Variants in DLG2 observed in about 807,000 individuals in gnomAD.
The protein encoded by DLG2 is disks large homolog 2.
A neutral mutation model predicts 132.5 loss-of-function variants in DLG2; 45 were observed. The observed-to-expected ratio is 0.34, with a 90% CI of 0.27 to 0.44. DLG2 has a LOEUF of 0.44. DLG2 is among the 20% of genes least tolerant of loss of function. The pLI is 1.00. For synonymous variants in DLG2, 424 were observed against 419.6 expected (o/e 1.01, Z -0.13); for missense variants, 1,045 against 1,196.9 (o/e 0.87, Z 1.87).
intron 18 of DLG2, among the ~76,000 whole-genome samples, chr11:83,729,613 A>T (rs17146000): frequency 0.077 from 11,734 of 152,220 alleles, 1,559 homozygotes; most frequent in African/African-American, 0.26. Context: ...ACCAGCCTTC[A>T]CCATTCTCTG....
intron 3 of DLG2, among the ~76,000 whole-genome samples, chr11:85,491,522 C>G (rs899202107): frequency 3.3e-5 from 5 of 151,752 alleles, no homozygotes; most frequent in Non-Finnish European, 7.4e-5. Context: ...AAACACTAAC[C>G]ACATCAAAAA....
chr11:83,713,604 T>C (rs1415984819), intron 18 of DLG2, among the ~76,000 whole-genome samples: 7 of 152,060 alleles, frequency 4.6e-5, no homozygotes, highest in Non-Finnish European at 7.4e-5. Flanking sequence ...AAGAGTGACA[T>C]AAGGAATATA....
intron 7 of DLG2, among the ~76,000 whole-genome samples, chr11:84,416,525 C>T (rs183115562): frequency 1.3e-5 from 2 of 152,326 alleles, no homozygotes; most frequent in East Asian, 3.9e-4. Context: ...ACTGACTACT[C>T]TGACAAAATA....
At chr11:84,219,968 C>CA (rs902867335) in intron 8 of DLG2, among the ~76,000 whole-genome samples, 41 of 152,176 alleles carry the variant, frequency 2.7e-4, no homozygotes, top group African/African-American at 9.6e-4. Context: ...GCAGCACAGG[C>CA]AAAATCTCAC....
chr11:83,526,279 A>T (rs1239904927), intron 21 of DLG2, among the ~76,000 whole-genome samples: 1 of 152,178 alleles, frequency 6.6e-6, no homozygotes, highest in Non-Finnish European at 1.5e-5. Flanking sequence ...TCCTATTGCC[A>T]CTTTTGAGTT....
At chr11:85,398,541 T>C (rs2087663277) in intron 3 of DLG2, among the ~76,000 whole-genome samples, 2 of 151,680 alleles carry the variant, frequency 1.3e-5, no homozygotes, top group Non-Finnish European at 2.9e-5. Context: ...GCAGGACTAA[T>C]AAAGAAGAAA....
chr11:83,503,287 A>T (rs550179594), intron 21 of DLG2, among the ~76,000 whole-genome samples: 1 of 148,164 alleles, frequency 6.7e-6, no homozygotes, highest in Admixed American at 6.9e-5. Context: ...AGAGCTCTTG[A>T]CTGTTGTATT....
At chr11:85,380,055 GC>G (rs1260729520) in intron 3 of DLG2, among the ~76,000 whole-genome samples, 1 of 151,952 alleles carries the variant, frequency 6.6e-6, no homozygotes, top group East Asian at 1.9e-4. Context: ...ACAAAATATT[GC>G]CCCCAAGATT....
At chr11:84,646,409 G>C (rs1372747280) in intron 6 of DLG2, among the ~76,000 whole-genome samples, 1 of 152,084 alleles carries the variant, frequency 6.6e-6, no homozygotes, top group Non-Finnish European at 1.5e-5. Context: ...AAATGTATGA[G>C]GGTAAACAGA....
At chr11:84,129,791 T>G (rs185452002) in intron 9 of DLG2, among the ~76,000 whole-genome samples, 3 of 152,168 alleles carry the variant, frequency 2.0e-5, no homozygotes, top group Admixed American at 1.3e-4. Flanking sequence ...GAGTACACTT[T>G]CCCTGCACTC....
intron 15 of DLG2, among the ~76,000 whole-genome samples, chr11:83,890,631 C>T (rs2154085501): frequency 6.6e-6 from 1 of 152,218 alleles, no homozygotes; most frequent in South Asian, 2.1e-4. Context: ...GTCCTGTCAT[C>T]ATATAATGTA....
chr11:83,517,938 G>T (rs904152797), intron 21 of DLG2, among the ~76,000 whole-genome samples: 4 of 152,186 alleles, frequency 2.6e-5, no homozygotes, highest in Admixed American at 6.5e-5. Context: ...CTTACTGGGG[G>T]GTGACTCCCA....
At chr11:84,103,043 C>T (rs915648828) in intron 9 of DLG2, among the ~76,000 whole-genome samples, 5 of 152,002 alleles carry the variant, frequency 3.3e-5, no homozygotes, top group Non-Finnish European at 7.4e-5. Flanking sequence ...GTTTCTGGTC[C>T]CAAAGCATCC....
chr11:85,117,137 C>T (rs1401745071), intron 5 of DLG2, among the ~76,000 whole-genome samples: 1 of 152,026 alleles, frequency 6.6e-6, no homozygotes, highest in African/African-American at 2.4e-5. Flanking sequence ...GCCATTGTAA[C>T]ACCTGTCAAG....
intron 4 of DLG2, among the ~76,000 whole-genome samples, chr11:85,165,263 G>T (rs1440621976): frequency 1.3e-5 from 2 of 152,136 alleles, no homozygotes; most frequent in African/African-American, 2.4e-5. Flanking sequence ...ATGTGAAATA[G>T]CTTGACTTCT....
intron 3 of DLG2, among the ~76,000 whole-genome samples, chr11:85,465,405 G>C (rs545493120): frequency 4.6e-5 from 7 of 151,958 alleles, no homozygotes; most frequent in African/African-American, 1.4e-4. Context: ...GCTGCACCCA[G>C]TAACTCGTCA....
intron 7 of DLG2, among the ~76,000 whole-genome samples, chr11:84,258,746 T>G (rs983840907): frequency 3.9e-5 from 6 of 152,208 alleles, no homozygotes; most frequent in Admixed American, 2.0e-4. Context: ...TTGATTTTTT[T>G]TGCCTGAGTT....
At chr11:85,497,175 C>T (rs2093686866) in intron 3 of DLG2, among the ~76,000 whole-genome samples, 2 of 151,774 alleles carry the variant, frequency 1.3e-5, no homozygotes, top group Admixed American at 1.3e-4. Context: ...GAAGTTAAAT[C>T]CTTGAAAAAA....
intron 7 of DLG2, among the ~76,000 whole-genome samples, chr11:84,429,036 T>G (rs576852930): frequency 1.3e-5 from 2 of 152,292 alleles, no homozygotes; most frequent in South Asian, 4.1e-4. Context: ...TGCCTCATAA[T>G]TCCTCTTTCT....
Sources: gnomAD v4.1 joint callset for allele counts (sites outside exome capture counted in the v4.1 genomes callset) on GRCh38, gnomAD v4.1.1 for gene constraint, MANE v1.5 for transcripts, NCBI Gene and HGNC (gene_info 2026-07-23, HGNC 2026-07-21) for gene names.